FAM135B: variants seen among roughly 807,000 people sequenced by gnomAD.
The protein encoded by FAM135B is protein FAM135B.
Under a neutral mutation model 127.7 loss-of-function variants are expected in FAM135B, and 43 were observed. That is an observed-to-expected ratio of 0.34 (90% CI 0.26 to 0.43). The LOEUF is 0.43. FAM135B is among the 20% of genes least tolerant of loss of function. FAM135B has a pLI of 1.00. For synonymous variants in FAM135B, 670 were observed against 665.1 expected, an observed-to-expected ratio of 1.01 and a Z score of -0.11; for missense variants, 1,558 against 1,725.6, an observed-to-expected ratio of 0.90 and a Z score of 1.72.
At chr8:138,452,994 A>C (rs899852758) in intron 1 of FAM135B, among the ~76,000 whole-genome samples, 12 of 152,162 alleles carry the variant, frequency 7.9e-5, no homozygotes, top group Non-Finnish European at 1.8e-4. Flanking sequence ...TCATTTCCAC[A>C]ATGTCCTATG....
rs1405586829 is a variant in FAM135B, at chr8:138,441,964, G to A, written c.-20+54707C>T. Among the ~76,000 whole-genome samples, 7 of 151,888 alleles carry A rather than the reference G, an allele frequency of 4.6e-5. No individual in the cohort carries two copies. The East Asian group carries it at 1.4e-3, about 30-fold the overall frequency. On this transcript the variant is annotated intron_variant, in intron 1 of 19. Coordinates refer to ENST00000395297, the MANE Select transcript of FAM135B (RefSeq NM_015912.4). The stretch of plus-strand genomic sequence containing the variant: ...GGAAATAAGGGGGAAAAAGAGAGAA[G>A]TGTTGGGAAATCACACACACACCGA...
chr8:138,399,784 A>G (rs1198506078), intron 1 of FAM135B, among the ~76,000 whole-genome samples: 1 of 152,170 alleles, frequency 6.6e-6, no homozygotes, highest in Admixed American at 6.5e-5. Flanking sequence ...TGACTGACAT[A>G]AGCTTTCTGG....
intron 12 of FAM135B, among the ~76,000 whole-genome samples, chr8:138,160,077 T>TCTGAGG (rs541756197): frequency 2.6e-4 from 40 of 152,208 alleles, no homozygotes; most frequent in Middle Eastern, 3.4e-3. Context: ...CACTCTGAAT[T>TCTGAGG]CTGAGGCTTA....
At chr8:138,368,096 G>C in intron 1 of FAM135B, 94 bp from the exon 2 acceptor site, 1 of 806,656 alleles carries the variant, frequency 1.2e-6, no homozygotes, top group Non-Finnish European at 2.1e-6. Flanking sequence ...TGACCAACAG[G>C]ACCAACAGGA....
chr8:138,319,356 C>G (rs1436757241), intron 2 of FAM135B, among the ~76,000 whole-genome samples: 1 of 152,194 alleles, frequency 6.6e-6, no homozygotes, highest in Non-Finnish European at 1.5e-5. Flanking sequence ...ATCTCCCTGC[C>G]TTGGCCTCCC....
At chr8:138,332,930 T>C in intron 2 of FAM135B, among the ~76,000 whole-genome samples, 1 of 151,942 alleles carries the variant, frequency 6.6e-6, no homozygotes, top group South Asian at 2.1e-4. Context: ...ACCAGGGTGC[T>C]GTCCTCCCCT....
chr8:138,401,415 C>G (rs1467407496), intron 1 of FAM135B, among the ~76,000 whole-genome samples: 1 of 152,138 alleles, frequency 6.6e-6, no homozygotes, highest in African/African-American at 2.4e-5. Flanking sequence ...TCTGTCCTAC[C>G]AATGAAGACC....
At chr8:138,412,233 T>A (rs192168693) in intron 1 of FAM135B, among the ~76,000 whole-genome samples, 17 of 152,242 alleles carry the variant, frequency 1.1e-4, no homozygotes, top group Admixed American at 5.2e-4. Flanking sequence ...CTGAAATTAT[T>A]TAAAGAAACA....
At chr8:138,165,997 C>T (rs978972128) in intron 12 of FAM135B, among the ~76,000 whole-genome samples, 3 of 152,184 alleles carry the variant, frequency 2.0e-5, no homozygotes, top group Admixed American at 6.5e-5. Flanking sequence ...CATTTTAAAG[C>T]ATCATTTAAA....
chr8:138,172,259 C>T (rs1820530448), intron 11 of FAM135B, among the ~76,000 whole-genome samples: 2 of 152,182 alleles, frequency 1.3e-5, no homozygotes, highest in African/African-American at 4.8e-5. Flanking sequence ...ATGACTCCCA[C>T]CCCTGCCATC....
intron 7 of FAM135B, among the ~76,000 whole-genome samples, chr8:138,238,160 C>T (rs1353474706): frequency 6.6e-6 from 1 of 152,152 alleles, no homozygotes. Context: ...AATGTCTCAC[C>T]ACAAGGCTGC....
intron 1 of FAM135B, among the ~76,000 whole-genome samples, chr8:138,383,395 T>C (rs183043509): frequency 6.6e-6 from 1 of 152,330 alleles, no homozygotes; most frequent in East Asian, 1.9e-4. Flanking sequence ...CGATTAAGGA[T>C]ACCTAAGTGC....
intron 7 of FAM135B, among the ~76,000 whole-genome samples, chr8:138,201,342 C>T (rs889667550): frequency 1.2e-4 from 18 of 152,008 alleles, no homozygotes; most frequent in African/African-American, 4.4e-4. Context: ...TTTCAAGGGA[C>T]ACTTTAAGAA....
chr8:138,410,155 G>A (rs1042499159), intron 1 of FAM135B, among the ~76,000 whole-genome samples: 2 of 152,144 alleles, frequency 1.3e-5, no homozygotes, highest in Admixed American at 6.5e-5. Flanking sequence ...TTTTCTAAGT[G>A]GGGCTTACAT....
intron 1 of FAM135B, among the ~76,000 whole-genome samples, chr8:138,423,978 G>A (rs920482586): frequency 1.3e-5 from 2 of 152,192 alleles, no homozygotes; most frequent in African/African-American, 2.4e-5. Context: ...AAATATGGCT[G>A]TGTTCTGCCC....
chr8:138,423,132 G>C (rs1834617723), intron 1 of FAM135B, among the ~76,000 whole-genome samples: 1 of 152,152 alleles, frequency 6.6e-6, no homozygotes, highest in Non-Finnish European at 1.5e-5. Flanking sequence ...GAGAGTGGGA[G>C]GGGGGTGAGG....
intron 1 of FAM135B, among the ~76,000 whole-genome samples, chr8:138,393,068 G>A (rs1289006158): frequency 1.3e-5 from 2 of 152,154 alleles, no homozygotes; most frequent in Middle Eastern, 3.2e-3. Flanking sequence ...GATGGCGGCA[G>A]GCAAAGAGAG....
intron 3 of FAM135B, among the ~76,000 whole-genome samples, chr8:138,278,317 TTC>T (rs1823989808): frequency 6.6e-6 from 1 of 151,332 alleles, no homozygotes; most frequent in South Asian, 2.1e-4. Flanking sequence ...TCTGAGAAAA[TTC>T]TACATCCACT....
intron 7 of FAM135B, among the ~76,000 whole-genome samples, chr8:138,219,078 C>T (rs1563784339): frequency 6.6e-6 from 1 of 152,180 alleles, no homozygotes; most frequent in Non-Finnish European, 1.5e-5. Flanking sequence ...AATAACCACA[C>T]ATCTGAACAC....
Sources: allele counts gnomAD v4.1 joint callset (sites outside exome capture counted in the v4.1 genomes callset), GRCh38; gene constraint gnomAD v4.1.1; transcripts MANE v1.5; gene names NCBI Gene and HGNC (gene_info 2026-07-23, HGNC 2026-07-21).